RASGRP1: variants seen among roughly 807,000 people sequenced by gnomAD.
RASGRP1 encodes the protein RAS guanyl-releasing protein 1.
A neutral mutation model predicts 95.1 loss-of-function variants in RASGRP1; 37 were observed. The observed-to-expected ratio is 0.39, with a 90% CI of 0.30 to 0.51. The LOEUF is 0.51. RASGRP1 is among the 20% of genes least tolerant of loss of function. The pLI is 0.80. For synonymous variants in RASGRP1, 325 were observed against 353.4 expected, an observed-to-expected ratio of 0.92 and a Z score of 0.90; for missense variants, 711 against 965.4, an observed-to-expected ratio of 0.74 and a Z score of 3.49.
chr15:38,490,729 A>G, intron 16 of RASGRP1, 41 bp from the exon 17 acceptor site: 1 of 1,548,702 alleles, frequency 6.5e-7, no homozygotes, highest in Non-Finnish European at 8.8e-7. Flanking sequence ...TAAAGCAGCA[A>G]TGAATAGCAA....
chr15:38,496,261 C>CT (rs1257731383), intron 15 of RASGRP1, among the ~76,000 whole-genome samples: 1 of 152,112 alleles, frequency 6.6e-6, no homozygotes, highest in African/African-American at 2.4e-5. Flanking sequence ...CTTTTAGCAA[C>CT]TTTATAATAA....
At chr15:38,504,093 A>T (rs1215930072) in intron 10 of RASGRP1, 3 of 151,748 alleles carry the variant, frequency 2.0e-5, no homozygotes, top group Non-Finnish European at 4.4e-5. Context: ...TGGTATAGAA[A>T]TTTTTTTTTA....
intron 2 of RASGRP1, among the ~76,000 whole-genome samples, chr15:38,528,515 T>C (rs1892318502): frequency 6.6e-6 from 1 of 152,164 alleles, no homozygotes; most frequent in African/African-American, 2.4e-5. Flanking sequence ...CCCAAGTTGA[T>C]GACTCTCTTT....
intron 2 of RASGRP1, among the ~76,000 whole-genome samples, chr15:38,553,999 G>C (rs1893441968): frequency 6.6e-6 from 1 of 152,214 alleles, no homozygotes; most frequent in East Asian, 1.9e-4. Flanking sequence ...CTATACGACA[G>C]TATTTCTCAA....
chr15:38,509,131 C>T (rs1891390511), intron 8 of RASGRP1, among the ~76,000 whole-genome samples: 1 of 151,480 alleles, frequency 6.6e-6, no homozygotes, highest in African/African-American at 2.4e-5. Context: ...GAAATTCCTT[C>T]TTACTTAGAT....
In RASGRP1 at chr15:38,518,421, T is replaced by A; in HGVS notation, c.392A>T (p.Tyr131Phe). 6.2e-7 allele frequency: 1 copy of A among 1,601,200 alleles called. No individual in the cohort carries two copies. The highest frequency in any genetic ancestry group is 8.5e-7 in the Non-Finnish European group (1 of 1,173,474). The change falls in exon 5 of 17, where the codon TAT becomes TTT. Residue 131 changes from tyrosine to phenylalanine, a missense_variant and splice_region_variant. By Grantham distance (22) the Tyr-to-Phe change is conservative. This residue lies in a region of RASGRP1 where 491 missense variants were observed against 676.6 expected (regional missense o/e 0.73). Transcript: ENST00000310803. ...LCLKICYFVR[Y>F]WITEFWVMFK... ...CATGACCCAGAATTCTGTTATCCAA[T>A]ACCTACAAGGAGGGGGTTAAAAAAC...
At chr15:38,559,670 A>G in intron 2 of RASGRP1, 151 bp downstream of exon 2, 1 of 765,624 alleles carries the variant, frequency 1.3e-6, no homozygotes, top group East Asian at 2.7e-5. Context: ...CATGTGCCAT[A>G]GGCTCTGCAG....
intron 2 of RASGRP1, among the ~76,000 whole-genome samples, chr15:38,558,114 T>C (rs1351210595): frequency 6.6e-6 from 1 of 152,182 alleles, no homozygotes; most frequent in Non-Finnish European, 1.5e-5. Context: ...AAAATCCTTA[T>C]TCAGGAAATA....
intron 2 of RASGRP1, among the ~76,000 whole-genome samples, chr15:38,551,729 T>G (rs1201781781): frequency 6.6e-6 from 1 of 152,158 alleles, no homozygotes; most frequent in Non-Finnish European, 1.5e-5. Flanking sequence ...AAAATGCCTA[T>G]AGTAAATGAT....
intron 12 of RASGRP1, chr15:38,501,580 C>T: frequency 2.0e-6 from 1 of 507,172 alleles, no homozygotes; most frequent in South Asian, 1.8e-5. Context: ...AACAATGTAA[C>T]ATGTACATGT....
intron 2 of RASGRP1, among the ~76,000 whole-genome samples, chr15:38,547,854 T>C (rs1231613398): frequency 1.3e-5 from 2 of 151,976 alleles, no homozygotes; most frequent in South Asian, 2.1e-4. Flanking sequence ...ACTGTGTGTG[T>C]GTGCGCGCGC....
At chr15:38,550,445 T>C (rs1205039634) in intron 2 of RASGRP1, among the ~76,000 whole-genome samples, 1 of 152,190 alleles carries the variant, frequency 6.6e-6, no homozygotes, top group Non-Finnish European at 1.5e-5. Flanking sequence ...CAGCCATAGT[T>C]ACTGCAATTA....
chr15:38,534,777 T>C (rs942284363), intron 2 of RASGRP1: 5 of 152,288 alleles, frequency 3.3e-5, no homozygotes, highest in African/African-American at 1.2e-4. Context: ...CAACTCCTGT[T>C]GCAGAGAAGC....
At chr15:38,535,468 T>A (rs1207758395) in intron 2 of RASGRP1, among the ~76,000 whole-genome samples, 1 of 152,182 alleles carries the variant, frequency 6.6e-6, no homozygotes, top group Non-Finnish European at 1.5e-5. Context: ...ACCCACCACT[T>A]TTCATGACAT....
intron 14 of RASGRP1, 105 bp downstream of exon 14, chr15:38,499,998 A>G (rs1890949931): frequency 8.4e-7 from 1 of 1,191,292 alleles, no homozygotes; most frequent in African/African-American, 1.5e-5. Flanking sequence ...CTGTGAGTCA[A>G]TTAAACCTCT....
chr15:38,524,384 T>C (rs1324902233), intron 3 of RASGRP1: 1 of 152,088 alleles, frequency 6.6e-6, no homozygotes, highest in Non-Finnish European at 1.5e-5. Context: ...CATTACACCA[T>C]ATGTAAGCAG....
At chr15:38,551,050 C>T (rs555116445) in intron 2 of RASGRP1, among the ~76,000 whole-genome samples, 8 of 152,158 alleles carry the variant, frequency 5.3e-5, no homozygotes, top group African/African-American at 1.9e-4. Flanking sequence ...ATAGTAAATG[C>T]TCAAAAGTTA....
At chr15:38,500,358 T>G (rs139667936) in intron 13 of RASGRP1, among the ~76,000 whole-genome samples, 1,996 of 152,138 alleles carry the variant, frequency 0.013, 37 homozygotes, top group African/African-American at 0.045. Context: ...GTTTTGTTTT[T>G]TTTGAGACAG....
intron 2 of RASGRP1, 82 bp from the exon 3 acceptor site, chr15:38,526,486 C>A: frequency 1.0e-6 from 1 of 1,001,104 alleles, no homozygotes; most frequent in South Asian, 1.4e-5. Flanking sequence ...CCCTCTGTGA[C>A]TCAGGTGCAA....
Sources: allele counts gnomAD v4.1 joint callset (sites outside exome capture counted in the v4.1 genomes callset), GRCh38; gene constraint gnomAD v4.1.1; regional missense constraint gnomAD v4.1.1; transcripts MANE v1.5; gene names NCBI Gene and HGNC (gene_info 2026-07-23, HGNC 2026-07-21).